Variants in KL observed in about 807,000 individuals in gnomAD.
The protein encoded by KL is klotho, also known as alpha-klotho.
A neutral mutation model predicts 84.2 loss-of-function variants in KL; 62 were observed. The observed-to-expected ratio is 0.74, with a 90% CI of 0.60 to 0.91. KL has a LOEUF of 0.91. Ranked by LOEUF, KL falls within the 40% of genes least tolerant of loss-of-function variation. KL has a pLI of 0.00. For missense variants in KL, 1,261 were observed against 1,305.7 expected (o/e 0.97, Z 0.53); for synonymous variants, 528 against 528.0 (o/e 1.00, Z 0.00).
chr13:33,019,728 T>TGAGA (rs1270289825), intron 1 of KL, among the ~76,000 whole-genome samples: 13 of 111,120 alleles, frequency 1.2e-4, no homozygotes, highest in East Asian at 2.6e-4. Flanking sequence ...TGTGTGTGTG[T>TGAGA]GTGTGAGAGA....
chr13:33,049,055 G>A (rs904512657), intron 1 of KL, among the ~76,000 whole-genome samples: 1 of 152,068 alleles, frequency 6.6e-6, no homozygotes, highest in African/African-American at 2.4e-5. Context: ...AGCAAGGAGG[G>A]CATCACATAC....
At chr13:33,023,436 C>A (rs893056563) in intron 1 of KL, among the ~76,000 whole-genome samples, 3 of 152,158 alleles carry the variant, frequency 2.0e-5, no homozygotes, top group African/African-American at 7.2e-5. Context: ...CATACAAATG[C>A]ATTAGACATG....
At chr13:33,020,633 T>G (rs189639063) in intron 1 of KL, among the ~76,000 whole-genome samples, 15 of 152,232 alleles carry the variant, frequency 9.9e-5, no homozygotes, top group Non-Finnish European at 1.5e-5. Context: ...TCTTAACTAC[T>G]CCCCTTTTTC....
chr13:33,017,323 G>T (rs1355069494), intron 1 of KL, 64 bp downstream of exon 1: 2 of 1,394,444 alleles, frequency 1.4e-6, no homozygotes, highest in Admixed American at 4.5e-5. Context: ...CAGGGGCCAG[G>T]GGGAAGTGTG....
At chr13:33,022,221 C>A (rs1257995620) in intron 1 of KL, among the ~76,000 whole-genome samples, 1 of 152,234 alleles carries the variant, frequency 6.6e-6, no homozygotes, top group Non-Finnish European at 1.5e-5. Context: ...AATGAATGAA[C>A]AATTAACTGT....
intron 1 of KL, among the ~76,000 whole-genome samples, chr13:33,025,696 G>A (rs1449754878): frequency 2.6e-5 from 4 of 152,150 alleles, no homozygotes; most frequent in Admixed American, 2.6e-4. Context: ...AGGCTTCAGC[G>A]ATTACATTTC....
In KL at chr13:33,016,866, C is replaced by T. The variant is rs771447026; in HGVS notation, c.426C>T (p.Leu142=). 3 of 1,612,744 alleles carry T rather than the reference C, an allele frequency of 1.9e-6. No individual in the cohort carries two copies. Among genetic ancestry groups the T allele is most frequent in the African/African-American group, 1.3e-5 (1 of 75,038 alleles). ...GCGACACGGAGGCGCTGCGCGAGCT[C>T]GGGGTCACTCACTACCGCTTCTCCA... The part of the protein sequence containing the change: ...VFRDTEALRE[L]GVTHYRFSIS... The change falls in exon 1 of 5, where the codon CTC becomes CTT. Residue 142 remains leucine (L), a synonymous_variant. Coordinates refer to ENST00000380099, the MANE Select transcript of KL (RefSeq NM_004795.4).
At chr13:33,037,741 A>G (rs1354179125) in intron 1 of KL, among the ~76,000 whole-genome samples, 1 of 152,062 alleles carries the variant, frequency 6.6e-6, no homozygotes, top group African/African-American at 2.4e-5. Context: ...TGCAATTGCC[A>G]TGAGAAAATG....
chr13:33,023,802 T>A (rs1180794712), intron 1 of KL, among the ~76,000 whole-genome samples: 1 of 152,274 alleles, frequency 6.6e-6, no homozygotes. Context: ...ACATTAATTT[T>A]AAATATAATG....
chr13:33,037,878 C>T (rs1233890173), intron 1 of KL, among the ~76,000 whole-genome samples: 1 of 152,070 alleles, frequency 6.6e-6, no homozygotes, highest in African/African-American at 2.4e-5. Flanking sequence ...TGGAGCCCAA[C>T]CCAGCTCACG....
intron 1 of KL, 37 bp from the exon 2 acceptor site, chr13:33,053,730 A>G (rs1306884870): frequency 1.2e-6 from 2 of 1,604,442 alleles, no homozygotes; most frequent in Non-Finnish European, 1.7e-6. Context: ...TCTCCTCACA[A>G]CTAGAGATAA....
chr13:33,058,548 G>A lies in KL; in HGVS notation c.1600-2131G>A, dbSNP rs182567598. On this transcript the variant is annotated intron_variant, in intron 3 of 4. Coordinates refer to ENST00000380099, the MANE Select transcript of KL (RefSeq NM_004795.4). ...GTAGAGACCGGGTTTCACTGTGTTA[G>A]CCAGGATGGTCTCAATCTCCTGACC... Among the ~76,000 whole-genome samples, 179 of 152,042 alleles carry A rather than the reference G, an allele frequency of 1.2e-3. 3 individuals carry two copies. Among genetic ancestry groups the A allele is most frequent in the Admixed American group, 0.011 (166 of 15,274 alleles).
At chr13:33,057,214 C>T (rs1265732369) in intron 3 of KL, among the ~76,000 whole-genome samples, 9 of 152,038 alleles carry the variant, frequency 5.9e-5, no homozygotes, top group Non-Finnish European at 8.8e-5. Context: ...AGGTTCAGTC[C>T]TTTGTATGCG....
At chr13:33,052,826 C>T (rs1211377532) in intron 1 of KL, among the ~76,000 whole-genome samples, 1 of 151,968 alleles carries the variant, frequency 6.6e-6, no homozygotes, top group Non-Finnish European at 1.5e-5. Context: ...GGAATAAAGG[C>T]TGATAAACAA....
intron 1 of KL, among the ~76,000 whole-genome samples, chr13:33,039,116 C>T (rs182569749): frequency 9.2e-5 from 14 of 152,194 alleles, no homozygotes; most frequent in East Asian, 1.9e-4. Flanking sequence ...TAATACTGTA[C>T]GTGGTCTATC....
At chr13:33,055,392 A>T (rs1319741156) in intron 3 of KL, 77 bp downstream of exon 3, 1 of 1,582,700 alleles carries the variant, frequency 6.3e-7, no homozygotes, top group Non-Finnish European at 8.7e-7. Flanking sequence ...TCCTAGGCTG[A>T]TTGTCATGGC....
intron 1 of KL, among the ~76,000 whole-genome samples, chr13:33,032,558 C>T (rs189831915): frequency 5.3e-4 from 80 of 152,282 alleles, no homozygotes; most frequent in African/African-American, 1.9e-3. Context: ...CCCAAGAGAA[C>T]TAGGAGGAAG....
chr13:33,044,154 T>C lies in KL; in HGVS notation c.820-9613T>C, dbSNP rs528076349. On this transcript the variant is annotated intron_variant, in intron 1 of 4. Transcript: ENST00000380099. ...AAATCAGTTGGCTGTGGGTTTATTT[T>C]GGAATTTTCTGTTCTGCTCCTTTGA... Among the ~76,000 whole-genome samples the C allele has an allele frequency of 5.9e-5, 9 of 152,338 alleles. No homozygotes were observed. In the East Asian group the frequency reaches 1.7e-3, roughly 29 times the overall value.
chr13:33,065,150 CA>C lies in KL; in HGVS notation c.*965del. ...ATGAAATAATCACTCATTCTATGAA[CA>C]GTGACACTACTTTCTATTCTTTAGC... is the stretch of plus-strand genomic sequence containing the variant. On this transcript the variant is annotated 3_prime_UTR_variant, in exon 5 of 5. Coordinates refer to ENST00000380099, the MANE Select transcript of KL (RefSeq NM_004795.4). 4.5e-6 allele frequency: 1 copy of C among 223,662 alleles called. No individual in the cohort carries two copies. Among genetic ancestry groups the C allele is most frequent in the African/African-American group, 2.2e-5 (1 of 44,832 alleles). The allele number at this position is 223,662 out of a possible 1,614,324, so 13.9% of individuals were successfully genotyped here.
Sources: gnomAD v4.1 joint callset for allele counts (sites outside exome capture counted in the v4.1 genomes callset) on GRCh38, gnomAD v4.1.1 for gene constraint, MANE v1.5 for transcripts, NCBI Gene and HGNC (gene_info 2026-07-23, HGNC 2026-07-21) for gene names.